TDRP: variants seen among roughly 807,000 people sequenced by gnomAD.
TDRP encodes testis development-related protein.
In TDRP, 12 loss-of-function variants were observed where a neutral mutation model predicts 10.5. The observed-to-expected ratio is 1.15, with a 90% CI of 0.73 to 1.86. TDRP has a LOEUF of 1.86. Ranked by LOEUF, TDRP falls within the 40% of genes most tolerant of loss-of-function variation. TDRP has a pLI of 0.00. For synonymous variants in TDRP, 139 were observed against 95.4 expected (o/e 1.46, Z -2.67); for missense variants, 353 against 229.2 (o/e 1.54, Z -3.49).
intron 1 of TDRP, among the ~76,000 whole-genome samples, chr8:501,821 G>A (rs970764708): frequency 3.9e-5 from 6 of 152,204 alleles, no homozygotes; most frequent in Admixed American, 6.5e-5. Flanking sequence ...CAACCACAGG[G>A]CACTGGCGTC....
At chr8:501,034 G>A (rs992491575) in intron 1 of TDRP, among the ~76,000 whole-genome samples, 26 of 152,108 alleles carry the variant, frequency 1.7e-4, no homozygotes, top group East Asian at 5.9e-4. Context: ...GTGAAACCCC[G>A]TCTCTACTAA....
At chr8:501,193 G>C (rs192101941) in intron 1 of TDRP, among the ~76,000 whole-genome samples, 76 of 151,862 alleles carry the variant, frequency 5.0e-4, no homozygotes, top group African/African-American at 1.5e-3. Flanking sequence ...GCGACAGAGT[G>C]AGACTCCATC....
chr8:531,995 A>G (rs571097763), intron 1 of TDRP, among the ~76,000 whole-genome samples: 1 of 152,344 alleles, frequency 6.6e-6, no homozygotes, highest in East Asian at 1.9e-4. Flanking sequence ...TTGCTGCTAT[A>G]GCAGAACAAA....
intron 1 of TDRP, among the ~76,000 whole-genome samples, chr8:516,877 T>G (rs961532066): frequency 6.6e-6 from 1 of 152,168 alleles, no homozygotes; most frequent in South Asian, 2.1e-4. Flanking sequence ...CTTCAGCAGG[T>G]GAATGGATAA....
chr8:527,827 G>A (rs758079695), intron 1 of TDRP, among the ~76,000 whole-genome samples: 10 of 151,982 alleles, frequency 6.6e-5, no homozygotes, highest in Non-Finnish European at 1.3e-4. Context: ...AAAACATCAG[G>A]GAAACTCTCC....
chr8:544,846 C>T (rs909358682), upstream of TDRP: 1 of 1,003,190 alleles, frequency 1.0e-6, no homozygotes, highest in Non-Finnish European at 1.3e-6. Context: ...CCTGCGGCTC[C>T]TGCGGGACGC....
At position 521,876 on chromosome 8, in the gene TDRP, TTA is replaced by T. The variant is rs148135581; in HGVS notation, c.108+22772_108+22773del. Among the ~76,000 whole-genome samples, 37 of 152,306 alleles carry T rather than the reference TTA, an allele frequency of 2.4e-4. No individual in the cohort carries two copies. In the East Asian group the frequency reaches 6.9e-3, roughly 29 times the overall value. On this transcript the variant is annotated intron_variant, in intron 1 of 2. Transcript: ENST00000324079. ...CAAACCATCAACATGGGCTGTCTATTTATGTCTTATTTAATAACTTTCAGCAA... is the reference window on the plus strand; with the variant it reads ...CAAACCATCAACATGGGCTGTCTATTTGTCTTATTTAATAACTTTCAGCAA...
intron 1 of TDRP, among the ~76,000 whole-genome samples, chr8:524,703 T>C (rs1489914196): frequency 6.6e-6 from 1 of 152,168 alleles, no homozygotes; most frequent in East Asian, 1.9e-4. Flanking sequence ...GTAGAATTGA[T>C]GAGGCAGAAG....
chr8:534,643 T>C (rs969812571), intron 1 of TDRP, among the ~76,000 whole-genome samples: 26 of 152,276 alleles, frequency 1.7e-4, no homozygotes, highest in African/African-American at 5.1e-4. Flanking sequence ...TAGTTCTCAA[T>C]AGACTGCAGG....
intron 1 of TDRP, among the ~76,000 whole-genome samples, chr8:544,149 T>C (rs995188381): frequency 2.6e-5 from 4 of 152,148 alleles, no homozygotes; most frequent in African/African-American, 9.6e-5. Context: ...CACTTAACAT[T>C]GAGCTACGGT....
chr8:533,923 C>T (rs941492684), intron 1 of TDRP, among the ~76,000 whole-genome samples: 1 of 152,092 alleles, frequency 6.6e-6, no homozygotes, highest in African/African-American at 2.4e-5. Flanking sequence ...TAATACAAAA[C>T]TCAAGCATGA....
In TDRP at chr8:494,492, A is replaced by T. The variant is rs772509268; in HGVS notation, c.212+2T>A. ...TCATTTTCTTACACAGTTATGACTT[A>T]CCCTTTGGACTTGGGAGATTTACAT... is the stretch of plus-strand genomic sequence containing the variant. On this transcript the variant is annotated splice_donor_variant, in intron 2 of 2. Transcript: ENST00000324079. LOFTEE classifies it high-confidence loss of function. 6.2e-7 allele frequency: 1 copy of T among 1,613,132 alleles called. No individual in the cohort carries two copies. Among genetic ancestry groups the T allele is most frequent in the Non-Finnish European group, 8.5e-7 (1 of 1,179,234 alleles).
At chr8:510,884 G>A (rs192772411) in intron 1 of TDRP, among the ~76,000 whole-genome samples, 1 of 152,262 alleles carries the variant, frequency 6.6e-6, no homozygotes, top group African/African-American at 2.4e-5. Flanking sequence ...AAAAGCAATT[G>A]CATAGAATAG....
intron 1 of TDRP, among the ~76,000 whole-genome samples, chr8:514,532 C>G (rs957949335): frequency 7.2e-5 from 11 of 152,122 alleles, no homozygotes; most frequent in African/African-American, 2.7e-4. Context: ...ATGCAGGGAC[C>G]AGGACACCAC....
At chr8:544,853 A>T (rs1802596644), upstream of TDRP, 1 of 954,786 alleles carries the variant, frequency 1.0e-6, no homozygotes, top group Non-Finnish European at 1.3e-6. Flanking sequence ...CTCCTGCGGG[A>T]CGCGGGCCCA....
chr8:506,565 T>C (rs113681000), intron 1 of TDRP, among the ~76,000 whole-genome samples: 6 of 152,300 alleles, frequency 3.9e-5, no homozygotes, highest in African/African-American at 9.6e-5. Flanking sequence ...CTGCAAACAG[T>C]GGAGCCCTGA....
intron 1 of TDRP, among the ~76,000 whole-genome samples, chr8:514,636 G>A (rs535886641): frequency 8.5e-5 from 13 of 152,236 alleles, no homozygotes; most frequent in East Asian, 1.9e-4. Flanking sequence ...TGTGACTGCC[G>A]GATCCACATA....
At chr8:524,955 T>C (rs2116834646) in intron 1 of TDRP, among the ~76,000 whole-genome samples, 1 of 152,226 alleles carries the variant, frequency 6.6e-6, no homozygotes, top group Non-Finnish European at 1.5e-5. Flanking sequence ...TATATTCAAG[T>C]ACAAGAAGAT....
intron 1 of TDRP, among the ~76,000 whole-genome samples, chr8:512,249 C>G (rs923263728): frequency 6.6e-6 from 1 of 150,422 alleles, no homozygotes; most frequent in Admixed American, 6.7e-5. Context: ...CAGTGAAACC[C>G]CTTCTCTACA....
Sources: allele counts gnomAD v4.1 joint callset (sites outside exome capture counted in the v4.1 genomes callset), GRCh38; gene constraint gnomAD v4.1.1; transcripts MANE v1.5; gene names NCBI Gene and HGNC (gene_info 2026-07-23, HGNC 2026-07-21).